VWA8: variants seen among roughly 807,000 people sequenced by gnomAD.
VWA8 encodes the protein von Willebrand factor A domain-containing protein 8.
VWA8 carries 221 observed loss-of-function variants against 241.5 expected under a neutral mutation model. The ratio of observed to expected loss-of-function variants is 0.91; its 90% CI spans 0.82 to 1.02. VWA8 has a LOEUF of 1.02. Among genes scored for constraint, VWA8 ranks in the 50% least tolerant of loss-of-function variants. The probability of loss-of-function intolerance (pLI) is 0.00; values close to 1 mark genes in which losing one functional copy is unlikely to be tolerated. For missense variants in VWA8, 2,322 were observed against 2,328.7 expected, an observed-to-expected ratio of 1.00 and a Z score of 0.06; for synonymous variants, 852 against 827.1, an observed-to-expected ratio of 1.03 and a Z score of -0.52.
chr13:41,595,558 T>G (rs2044482664), intron 40 of VWA8, among the ~76,000 whole-genome samples: 1 of 152,178 alleles, frequency 6.6e-6, no homozygotes, highest in Non-Finnish European at 1.5e-5. Flanking sequence ...TACTGACCTC[T>G]GTTACTATAA....
intron 21 of VWA8, among the ~76,000 whole-genome samples, chr13:41,746,931 C>T (rs1566439621): frequency 6.6e-6 from 1 of 152,158 alleles, no homozygotes. Context: ...ATACTTACTG[C>T]AGTACTACCC....
At chr13:41,888,851 G>A (rs1196871509) in intron 5 of VWA8, among the ~76,000 whole-genome samples, 1 of 152,120 alleles carries the variant, frequency 6.6e-6, no homozygotes, top group African/African-American at 2.4e-5. Context: ...ATTTTGGTAT[G>A]AATCAAAATC....
chr13:41,720,126 T>C, intron 25 of VWA8, among the ~76,000 whole-genome samples: 1 of 152,006 alleles, frequency 6.6e-6, no homozygotes, highest in East Asian at 1.9e-4. Context: ...ATACTGAAGT[T>C]TTCAGAAAAG....
rs867923891 is a variant in VWA8, at chr13:41,758,404, A to G, written c.2426+2724T>C. Among the ~76,000 whole-genome samples, 497 of 80,770 alleles carry G rather than the reference A, an allele frequency of 6.2e-3. 27 individuals carry two copies. Among genetic ancestry groups the G allele is most frequent in the African/African-American group, 0.017 (394 of 22,570 alleles). The allele number at this position is 80,770 out of a possible 152,430, so 53.0% of individuals were successfully genotyped here. A position where few individuals can be genotyped will look rare whatever the true frequency, so the allele number is the denominator to read the frequency against. ...TATATATATATATACGCTAGTATAT[A>G]TATATATATATATATATATATATAT... On this transcript the variant is annotated intron_variant, in intron 21 of 44. Coordinates refer to ENST00000379310, the MANE Select transcript of VWA8 (RefSeq NM_015058.2).
rs561341112 is a variant in VWA8, at chr13:41,957,543, T to C, written c.163+3310A>G. Among the ~76,000 whole-genome samples, 11 of 152,114 alleles carry C rather than the reference T, an allele frequency of 7.2e-5. 1 individual carries two copies. In the South Asian group the frequency reaches 1.9e-3, roughly 26 times the overall value. On this transcript the variant is annotated intron_variant, in intron 1 of 44. Coordinates refer to ENST00000379310, the MANE Select transcript of VWA8 (RefSeq NM_015058.2). The stretch of plus-strand genomic sequence containing the variant: ...ATCGCTTGAACCCAGGAGGTGGAGG[T>C]TGCAGTAAGCCAAGACTGCTCCACT...
At chr13:41,794,243 A>C (rs1314887970) in intron 17 of VWA8, among the ~76,000 whole-genome samples, 2 of 152,146 alleles carry the variant, frequency 1.3e-5, no homozygotes, top group Non-Finnish European at 2.9e-5. Context: ...GGTCATTTTC[A>C]TACTAATTCT....
intron 9 of VWA8, among the ~76,000 whole-genome samples, chr13:41,875,668 T>A (rs1873863496): frequency 6.6e-6 from 1 of 152,078 alleles, no homozygotes. Flanking sequence ...TGTTTCCTTC[T>A]CAGTCTTTTT....
At chr13:41,779,268 T>C (rs1393797439) in intron 19 of VWA8, among the ~76,000 whole-genome samples, 1 of 148,784 alleles carries the variant, frequency 6.7e-6, no homozygotes, top group Non-Finnish European at 1.5e-5. Flanking sequence ...AATATACATA[T>C]ACATACTCAC....
At chr13:41,583,873 T>A (rs1014968269) in intron 42 of VWA8, among the ~76,000 whole-genome samples, 1 of 152,038 alleles carries the variant, frequency 6.6e-6, no homozygotes, top group Non-Finnish European at 1.5e-5. Flanking sequence ...ACTGATAAAA[T>A]TGAATTTGAG....
chr13:41,704,580 T>A (rs1211506035), intron 26 of VWA8, among the ~76,000 whole-genome samples: 1 of 151,648 alleles, frequency 6.6e-6, no homozygotes, highest in African/African-American at 2.4e-5. Flanking sequence ...TCCCACCTCA[T>A]CCTCCTAAGT....
chr13:41,937,004 C>A (rs1042018898), intron 2 of VWA8, among the ~76,000 whole-genome samples: 1 of 152,062 alleles, frequency 6.6e-6, no homozygotes, highest in Non-Finnish European at 1.5e-5. Flanking sequence ...AATGCATTAC[C>A]TTTTCAATGT....
chr13:41,897,914 A>T (rs1875200718), intron 4 of VWA8, among the ~76,000 whole-genome samples: 1 of 152,138 alleles, frequency 6.6e-6, no homozygotes, highest in African/African-American at 2.4e-5. Context: ...CATCCTGCTG[A>T]TTGGTAGAGC....
intron 24 of VWA8, among the ~76,000 whole-genome samples, chr13:41,722,183 T>C (rs943666367): frequency 1.3e-5 from 2 of 152,188 alleles, no homozygotes; most frequent in African/African-American, 2.4e-5. Flanking sequence ...TGCAGATTGA[T>C]AGAATATACT....
intron 9 of VWA8, among the ~76,000 whole-genome samples, chr13:41,879,616 T>A (rs771351596): frequency 5.9e-5 from 9 of 151,882 alleles, no homozygotes; most frequent in Admixed American, 5.9e-4. Context: ...ATTATTGACA[T>A]AACCAGTCAA....
chr13:41,942,034 G>C (rs1162820920), intron 2 of VWA8, among the ~76,000 whole-genome samples: 2 of 152,230 alleles, frequency 1.3e-5, no homozygotes, highest in South Asian at 2.1e-4. Flanking sequence ...CTCATAATAA[G>C]AGAAGACCCA....
At chr13:41,922,777 A>G (rs1326163925) in intron 2 of VWA8, among the ~76,000 whole-genome samples, 2 of 152,262 alleles carry the variant, frequency 1.3e-5, no homozygotes, top group African/African-American at 4.8e-5. Context: ...TTAAAAAGTT[A>G]GGAAACAACA....
Position 41,816,252 on chromosome 13 carries a change from C to G in VWA8, c.1947+446G>C, listed in dbSNP as rs568631689. Among the ~76,000 whole-genome samples the G allele has an allele frequency of 1.3e-5, 2 of 152,258 alleles. 1 individual carries two copies. The highest frequency in any genetic ancestry group is 4.1e-4 in the South Asian group (2 of 4,826). ...CCCGTTCCCATTTTACAGATGAGAA[C>G]ACTGAGACTTACAGAGTTAAACAGT... On this transcript the variant is annotated intron_variant, in intron 16 of 44. Transcript: ENST00000379310.
At chr13:41,616,750 G>A (rs968886967) in intron 37 of VWA8, among the ~76,000 whole-genome samples, 2 of 152,114 alleles carry the variant, frequency 1.3e-5, no homozygotes, top group African/African-American at 4.8e-5. Context: ...CTGAGGACCT[G>A]AATTTTAAAT....
intron 40 of VWA8, among the ~76,000 whole-genome samples, chr13:41,600,481 C>T (rs2044514195): frequency 6.6e-6 from 1 of 152,096 alleles, no homozygotes; most frequent in Non-Finnish European, 1.5e-5. Context: ...TCACCCTTCC[C>T]CTCTCTTTGC....
Sources: gnomAD v4.1 joint callset for allele counts (sites outside exome capture counted in the v4.1 genomes callset) on GRCh38, gnomAD v4.1.1 for gene constraint, MANE v1.5 for transcripts, NCBI Gene and HGNC (gene_info 2026-07-23, HGNC 2026-07-21) for gene names.